Variants in RCL1 observed in about 807,000 individuals in gnomAD.
The protein encoded by RCL1 is RNA terminal phosphate cyclase like 1, also known as RNA 3'-terminal phosphate cyclase-like protein.
In RCL1, 24 loss-of-function variants were observed where a neutral mutation model predicts 42.4. The observed-to-expected ratio is 0.57, with a 90% confidence interval of 0.41 to 0.80. RCL1 has a LOEUF of 0.80. Among genes scored for constraint, RCL1 ranks in the 30% least tolerant of loss-of-function variants. The pLI, the probability that RCL1 is intolerant of heterozygous loss-of-function variation, is 0.00. For synonymous variants in RCL1, 228 were observed against 177.3 expected, an observed-to-expected ratio of 1.29 and a Z score of -2.27; for missense variants, 578 against 467.9, an observed-to-expected ratio of 1.24 and a Z score of -2.17.
chr9:4,806,710 A>G (rs1206561741), intron 1 of RCL1, among the ~76,000 whole-genome samples: 2 of 151,320 alleles, frequency 1.3e-5, no homozygotes, highest in Non-Finnish European at 1.5e-5. Flanking sequence ...TTCGTGAGCA[A>G]TATTGCTCTG....
intron 5 of RCL1, 128 bp from the exon 6 acceptor site, chr9:4,841,104 G>C: frequency 1.0e-6 from 1 of 1,001,724 alleles, no homozygotes; most frequent in Non-Finnish European, 1.5e-6. Flanking sequence ...AGTAAATTCA[G>C]TTGGAAAACA....
chr9:4,815,716 G>A (rs1587704304), intron 1 of RCL1, among the ~76,000 whole-genome samples: 1 of 151,972 alleles, frequency 6.6e-6, no homozygotes, highest in South Asian at 2.1e-4. Flanking sequence ...ATAGTGTAGC[G>A]CAGGCCACAG....
intron 1 of RCL1, among the ~76,000 whole-genome samples, chr9:4,806,211 G>C (rs1283842635): frequency 6.6e-6 from 1 of 151,642 alleles, no homozygotes; most frequent in South Asian, 2.1e-4. Flanking sequence ...CTTCATTTTT[G>C]ATATGTACGC....
intron 7 of RCL1, among the ~76,000 whole-genome samples, chr9:4,846,422 T>C (rs963391136): frequency 2.6e-5 from 4 of 152,216 alleles, no homozygotes; most frequent in Admixed American, 2.6e-4. Flanking sequence ...TGGCCTCAGA[T>C]GTTTTGGTGC....
chr9:4,844,599 A>G lies in RCL1; in HGVS notation c.785A>G (p.Asn262Ser). The change falls in exon 7 of 9, where the codon AAC (asparagine) becomes AGC (serine). Residue 262 changes from asparagine (N) to serine (S), a missense_variant. Transcript: ENST00000381750. ...TTCCTCAGTGCTGAACTGGCCTCCAACCCCCAGGGCCAGGGAGCAGCAGTA... is the reference window on the plus strand; with the variant it reads ...TTCCTCAGTGCTGAACTGGCCTCCAGCCCCCAGGGCCAGGGAGCAGCAGTA... Reference protein sequence around the residue: ...GTFLSAELASNPQGQGAAVLP... With the variant: ...GTFLSAELASSPQGQGAAVLP... The G allele has an allele frequency of 6.2e-7, 1 of 1,613,680 alleles. No individual in the cohort carries two copies. The highest frequency in any genetic ancestry group is 8.5e-7 in the Non-Finnish European group (1 of 1,179,906).
intron 1 of RCL1, among the ~76,000 whole-genome samples, chr9:4,819,860 A>G (rs1358274678): frequency 1.3e-5 from 2 of 152,210 alleles, no homozygotes; most frequent in Non-Finnish European, 2.9e-5. Flanking sequence ...TACTCAATAT[A>G]TCCATGTAAT....
chr9:4,797,074 G>A (rs1842924818), intron 1 of RCL1, among the ~76,000 whole-genome samples: 1 of 152,172 alleles, frequency 6.6e-6, no homozygotes, highest in Admixed American at 6.5e-5. Flanking sequence ...ATTGGACCTT[G>A]GTTTGAGTAC....
intron 1 of RCL1, among the ~76,000 whole-genome samples, chr9:4,809,940 C>T (rs987905147): frequency 5.9e-5 from 9 of 152,132 alleles, no homozygotes; most frequent in African/African-American, 1.9e-4. Context: ...CCTCAGCCTC[C>T]CAAGTAGCTG....
chr9:4,831,584 C>G (rs1816944960), intron 3 of RCL1, among the ~76,000 whole-genome samples: 1 of 152,196 alleles, frequency 6.6e-6, no homozygotes, highest in African/African-American at 2.4e-5. Context: ...TCAAGTGATC[C>G]TCCCACCTCA....
chr9:4,837,807 G>T (rs916761442), intron 5 of RCL1, among the ~76,000 whole-genome samples: 4 of 152,176 alleles, frequency 2.6e-5, no homozygotes, highest in African/African-American at 9.7e-5. Context: ...TCTGAGCCAG[G>T]AAGAGACTTG....
chr9:4,824,374 A>AT (rs71326141), intron 2 of RCL1, among the ~76,000 whole-genome samples: 64,113 of 120,208 alleles, frequency 0.53, 18,322 homozygotes, highest in Non-Finnish European at 0.63. Flanking sequence ...TTCAGCCAGC[A>AT]TTTTTTTTTT....
In RCL1 at chr9:4,807,699, C is replaced by T. The variant is rs571241354; in HGVS notation, c.136+14472C>T. Among the ~76,000 whole-genome samples, 33 of 151,988 alleles carry T rather than the reference C, an allele frequency of 2.2e-4. 1 individual carries two copies. The highest frequency in any genetic ancestry group is 7.8e-4 in the East Asian group (4 of 5,156). ...CACACCTGGCTAATTTTGTATTTTTCGTAGAGACAGGGTTTCTCCGTGTTG... is the reference window on the plus strand; with the variant it reads ...CACACCTGGCTAATTTTGTATTTTTTGTAGAGACAGGGTTTCTCCGTGTTG... On this transcript the variant is annotated intron_variant, in intron 1 of 8. Transcript: ENST00000381750.
At chr9:4,850,520 G>C (rs1181746000) in intron 8 of RCL1, 1 of 204,850 alleles carries the variant, frequency 4.9e-6, no homozygotes, top group South Asian at 5.2e-5. Context: ...TGGAATTCGT[G>C]GTGGGAGGTT....
At chr9:4,822,900 G>A (rs554492962) in intron 1 of RCL1, among the ~76,000 whole-genome samples, 7 of 151,726 alleles carry the variant, frequency 4.6e-5, no homozygotes, top group East Asian at 1.9e-4. Context: ...TTAACATTTC[G>A]CCTTTTTTCT....
intron 3 of RCL1, among the ~76,000 whole-genome samples, chr9:4,831,907 G>C (rs1816954545): frequency 6.6e-6 from 1 of 152,224 alleles, no homozygotes; most frequent in African/African-American, 2.4e-5. Context: ...AGGAAATTCA[G>C]ATAGTTGTGA....
intron 1 of RCL1, among the ~76,000 whole-genome samples, chr9:4,819,282 G>C (rs146858272): frequency 1.9e-3 from 285 of 152,308 alleles, no homozygotes; most frequent in African/African-American, 6.6e-3. Context: ...TCACAATAGG[G>C]TTCATGGTCC....
At chr9:4,796,917 T>C (rs1287829146) in intron 1 of RCL1, among the ~76,000 whole-genome samples, 1 of 152,170 alleles carries the variant, frequency 6.6e-6, no homozygotes. Context: ...GGCCATATGG[T>C]AGTTCTATTT....
chr9:4,831,197 G>A (rs1816929456), intron 3 of RCL1, among the ~76,000 whole-genome samples: 1 of 152,164 alleles, frequency 6.6e-6, no homozygotes, highest in South Asian at 2.1e-4. Context: ...AAAGGGACAG[G>A]ACTACACCTG....
chr9:4,803,296 C>G lies in RCL1; in HGVS notation c.136+10069C>G, dbSNP rs1342310668. ...TAGTGCTTTTAGAACCAAGACTAAC[C>G]AAGCACCATTATTTAGGATATTAAC... is the stretch of plus-strand genomic sequence containing the variant. On this transcript the variant is annotated intron_variant, in intron 1 of 8. Coordinates refer to ENST00000381750, the MANE Select transcript of RCL1 (RefSeq NM_005772.5). Among the ~76,000 whole-genome samples the G allele has an allele frequency of 2.0e-5, 3 of 152,176 alleles. No homozygotes were observed. In the East Asian group the frequency reaches 5.8e-4, roughly 29 times the overall value.
Sources: gnomAD v4.1 joint callset for allele counts (sites outside exome capture counted in the v4.1 genomes callset) on GRCh38, gnomAD v4.1.1 for gene constraint, MANE v1.5 for transcripts, NCBI Gene and HGNC (gene_info 2026-07-23, HGNC 2026-07-21) for gene names.